The following SPIN1 variants were observed in gnomAD, a reference collection of about 807,000 sequenced individuals.
SPIN1 encodes the protein spindlin-1.
A neutral mutation model predicts 26.0 loss-of-function variants in SPIN1; 3 were observed. The ratio of observed to expected loss-of-function variants is 0.12; its 90% CI spans 0.05 to 0.30. The LOEUF (loss-of-function observed/expected upper bound fraction) is 0.30, where lower values mean the gene tolerates loss of function less well. Among genes scored for constraint, SPIN1 ranks in the 10% least tolerant of loss-of-function variants. SPIN1 has a pLI of 1.00. For missense variants in SPIN1, 126 were observed against 333.4 expected (o/e 0.38, Z 4.84); for synonymous variants, 101 against 116.5 (o/e 0.87, Z 0.86).
intron 1 of SPIN1, among the ~76,000 whole-genome samples, chr9:88,404,002 A>G (rs1218106925): frequency 6.6e-6 from 1 of 152,230 alleles, no homozygotes; most frequent in Admixed American, 6.5e-5. Context: ...ACTTAGGCTA[A>G]ATGGTAAGCC....
chr9:88,417,016 T>G (rs1444726908), intron 1 of SPIN1, among the ~76,000 whole-genome samples: 1 of 152,254 alleles, frequency 6.6e-6, no homozygotes, highest in Non-Finnish European at 1.5e-5. Context: ...TGCTTACATT[T>G]TGCTCTACTG....
chr9:88,393,165 G>A (rs2117862110), intron 1 of SPIN1, among the ~76,000 whole-genome samples: 1 of 150,744 alleles, frequency 6.6e-6, no homozygotes, highest in Non-Finnish European at 1.5e-5. Context: ...GGGAGGGGAG[G>A]AGGAAGAATT....
intron 1 of SPIN1, among the ~76,000 whole-genome samples, chr9:88,398,567 T>G (rs1827118388): frequency 6.6e-6 from 1 of 151,990 alleles, no homozygotes; most frequent in Admixed American, 6.6e-5. Context: ...TAAGTAACAA[T>G]TTGTTGACTT....
chr9:88,389,973 C>T (rs533384811), intron 1 of SPIN1, among the ~76,000 whole-genome samples: 4 of 152,074 alleles, frequency 2.6e-5, no homozygotes, highest in African/African-American at 9.6e-5. Flanking sequence ...TATTGTAGTA[C>T]CTGGTAATTT....
intron 1 of SPIN1, among the ~76,000 whole-genome samples, chr9:88,405,240 G>GT (rs1408446018): frequency 1.3e-5 from 2 of 151,594 alleles, no homozygotes; most frequent in Non-Finnish European, 2.9e-5. Flanking sequence ...TTTTTTGTTT[G>GT]TTTTTTGAGA....
At chr9:88,389,931 C>G (rs879343135) in intron 1 of SPIN1, among the ~76,000 whole-genome samples, 2 of 151,858 alleles carry the variant, frequency 1.3e-5, no homozygotes, top group Non-Finnish European at 1.5e-5. Context: ...CACTCTCCCC[C>G]CTCAGCTTTA....
At position 88,460,146 on chromosome 9, in the gene SPIN1, G is replaced by GT. The variant is rs541771595; in HGVS notation, c.102-2349dup. Among the ~76,000 whole-genome samples, 88 of 152,232 alleles carry GT rather than the reference G, an allele frequency of 5.8e-4. 1 individual carries two copies. In the Middle Eastern group the frequency reaches 0.014, roughly 24 times the overall value. On this transcript the variant is annotated intron_variant, in intron 3 of 5. Transcript: ENST00000375859. ...ACGTTTTCTTCAATTACGATTTTTA[G>GT]TACTCTCTTCTGTGAACTTTGATTT...
chr9:88,411,100 T>C, intron 1 of SPIN1: 1 of 1,524,942 alleles, frequency 6.6e-7, no homozygotes, highest in Non-Finnish European at 9.0e-7. Flanking sequence ...AATAATCTCT[T>C]AGGTGATGTT....
intron 1 of SPIN1, among the ~76,000 whole-genome samples, chr9:88,420,638 A>G (rs796343677): frequency 1.4e-4 from 22 of 152,328 alleles, no homozygotes; most frequent in African/African-American, 4.6e-4. Context: ...TTAACATTCC[A>G]TCTTAGTGTG....
At chr9:88,407,661 TA>T (rs924979942) in intron 1 of SPIN1, among the ~76,000 whole-genome samples, 2 of 150,396 alleles carry the variant, frequency 1.3e-5, no homozygotes, top group Non-Finnish European at 3.0e-5. Flanking sequence ...TTTTTTAAAT[TA>T]AAAAAAAGCT....
chr9:88,470,468 C>G (rs554465652), intron 5 of SPIN1, among the ~76,000 whole-genome samples: 51 of 152,324 alleles, frequency 3.3e-4, no homozygotes, highest in African/African-American at 1.2e-3. Context: ...TCCACATTCT[C>G]ACCAACTGTT....
At chr9:88,454,460 T>C (rs990480365) in intron 3 of SPIN1, among the ~76,000 whole-genome samples, 16 of 152,222 alleles carry the variant, frequency 1.1e-4, no homozygotes, top group South Asian at 4.1e-4. Flanking sequence ...TTTCCACTTA[T>C]GTAAGTAAGC....
chr9:88,450,741 TGGAAA>T (rs201203915), intron 3 of SPIN1, among the ~76,000 whole-genome samples: 1,670 of 152,334 alleles, frequency 0.011, 35 homozygotes, highest in African/African-American at 0.038. Context: ...AAGGGAGAAA[TGGAAA>T]GGAAAAGTTG....
At chr9:88,415,997 C>CT (rs1183102705) in intron 1 of SPIN1, among the ~76,000 whole-genome samples, 2 of 149,538 alleles carry the variant, frequency 1.3e-5, no homozygotes, top group African/African-American at 2.5e-5. Context: ...ACCTCGTGAT[C>CT]TGCCCGCCTT....
intron 2 of SPIN1, among the ~76,000 whole-genome samples, chr9:88,440,285 T>A (rs1489755801): frequency 1.3e-5 from 2 of 150,594 alleles, no homozygotes; most frequent in Non-Finnish European, 3.0e-5. Context: ...CTTTTTCCCT[T>A]CCTTAGCATA....
chr9:88,437,125 T>A (rs1828018731), intron 2 of SPIN1, among the ~76,000 whole-genome samples: 1 of 152,052 alleles, frequency 6.6e-6, no homozygotes, highest in Non-Finnish European at 1.5e-5. Flanking sequence ...TAATCTACTG[T>A]TTGGATGCAC....
chr9:88,453,051 A>C (rs1046088064), intron 3 of SPIN1, among the ~76,000 whole-genome samples: 3 of 152,224 alleles, frequency 2.0e-5, no homozygotes, highest in African/African-American at 7.2e-5. Flanking sequence ...ACTGGTTAGG[A>C]ATAGGAGTTA....
intron 2 of SPIN1, among the ~76,000 whole-genome samples, chr9:88,441,935 C>T (rs1318824619): frequency 7.0e-6 from 1 of 143,536 alleles, no homozygotes; most frequent in African/African-American, 2.6e-5. Flanking sequence ...TAGATCTCAG[C>T]TTCTGACCTA....
chr9:88,424,910 A>G (rs1158611806), intron 1 of SPIN1, among the ~76,000 whole-genome samples: 1 of 152,190 alleles, frequency 6.6e-6, no homozygotes, highest in Non-Finnish European at 1.5e-5. Flanking sequence ...CATAATCTTC[A>G]ACAAATGAGT....
Sources: allele counts gnomAD v4.1 joint callset (sites outside exome capture counted in the v4.1 genomes callset), GRCh38; gene constraint gnomAD v4.1.1; transcripts MANE v1.5; gene names NCBI Gene and HGNC (gene_info 2026-07-23, HGNC 2026-07-21).